PARD3B: variants seen among roughly 807,000 people sequenced by gnomAD.
The protein encoded by PARD3B is partitioning defective 3 homolog B.
In PARD3B, 103 loss-of-function variants were observed where a neutral mutation model predicts 130.2. The ratio of observed to expected loss-of-function variants is 0.79; its 90% CI spans 0.67 to 0.93. The LOEUF (loss-of-function observed/expected upper bound fraction) is 0.93. Among genes scored for constraint, PARD3B ranks in the 40% least tolerant of loss-of-function variants. PARD3B has a pLI of 0.00. For missense variants in PARD3B, 1,609 were observed against 1,499.2 expected (o/e 1.07, Z -1.21); for synonymous variants, 583 against 553.2 (o/e 1.05, Z -0.76).
chr2:205,392,719 A>G (rs1207366130), intron 18 of PARD3B, among the ~76,000 whole-genome samples: 1 of 152,138 alleles, frequency 6.6e-6, no homozygotes, highest in Non-Finnish European at 1.5e-5. Context: ...TTTGCATGCC[A>G]TGGAACGGAT....
rs2040627033 is a variant in PARD3B, at chr2:205,269,257, G to A, written c.2185+23435G>A. Among the ~76,000 whole-genome samples the A allele has an allele frequency of 6.6e-6, 1 of 152,062 alleles. No homozygotes were observed. Among genetic ancestry groups the A allele is most frequent in the Non-Finnish European group, 1.5e-5 (1 of 67,978 alleles). On this transcript the variant is annotated intron_variant, in intron 16 of 22. Coordinates refer to ENST00000406610, the MANE Select transcript of PARD3B (RefSeq NM_001302769.2). This position sits in a 1 kb window ranked among gnomAD's most constrained non-coding sequence, Gnocchi z 4.7. Reference sequence around the variant, plus strand: ...TGTTAAGTTCTCAATGATTAAAGGTGCCTTGAGTATTTTATTCAAAACTTT... The same window carrying A: ...TGTTAAGTTCTCAATGATTAAAGGTACCTTGAGTATTTTATTCAAAACTTT...
At position 204,545,990 on chromosome 2, in the gene PARD3B, G is replaced by A. The variant is rs565128195; in HGVS notation, c.-10G>A. ...TTCGGCCCGGCCCGGCGTGGTCGCCGGGGGCCAGGATGAAAGTGACCGTGT... is the reference window on the plus strand; with the variant it reads ...TTCGGCCCGGCCCGGCGTGGTCGCCAGGGGCCAGGATGAAAGTGACCGTGT... On this transcript the variant is annotated 5_prime_UTR_variant, in exon 1 of 23. Coordinates refer to ENST00000406610, the MANE Select transcript of PARD3B (RefSeq NM_001302769.2). 5.1e-6 allele frequency: 8 copies of A among 1,554,576 alleles called. No individual in the cohort carries two copies. The East Asian group carries it at 1.2e-4, about 24-fold the overall frequency.
intron 18 of PARD3B, among the ~76,000 whole-genome samples, chr2:205,344,194 T>TTGTGTTTGTG (rs148707708): frequency 0.034 from 4,741 of 140,978 alleles, 97 homozygotes; most frequent in Middle Eastern, 0.059. Flanking sequence ...GTCAGTTGGT[T>TTGTGTTTGTG]TGTGTGTGTG....
Position 205,160,409 on chromosome 2 carries a change from G to A in PARD3B, c.1620+1502G>A, listed in dbSNP as rs767106922. ...GCATGTCCCTCTCATGCCTCGAGCT[G>A]TCAGAGGGCCAGCGGCAGTGGGTGA... On this transcript the variant is annotated intron_variant, in intron 11 of 22. Transcript: ENST00000406610. This position sits in a 1 kb window ranked among gnomAD's most constrained non-coding sequence, Gnocchi z 4.0. Among the ~76,000 whole-genome samples, 5 of 152,162 alleles carry A rather than the reference G, an allele frequency of 3.3e-5. No homozygotes were observed. Among genetic ancestry groups the A allele is most frequent in the Non-Finnish European group, 5.9e-5 (4 of 68,036 alleles).
intron 3 of PARD3B, among the ~76,000 whole-genome samples, chr2:205,036,095 C>T (rs1393725985): frequency 1.4e-5 from 2 of 145,842 alleles, no homozygotes; most frequent in Non-Finnish European, 3.0e-5. Context: ...CCAACACCCA[C>T]TGTGCATGTT....
chr2:205,217,622 A>G (rs2037981738), intron 15 of PARD3B, among the ~76,000 whole-genome samples: 1 of 151,972 alleles, frequency 6.6e-6, no homozygotes, highest in South Asian at 2.1e-4. Flanking sequence ...GGAGACACCC[A>G]GAGAGAAAAA....
chr2:204,960,605 G>T (rs1212598372), intron 2 of PARD3B, among the ~76,000 whole-genome samples: 2 of 152,014 alleles, frequency 1.3e-5, no homozygotes, highest in Non-Finnish European at 2.9e-5. Flanking sequence ...GAAAAATCTA[G>T]GTGTCTTTTG....
At chr2:205,613,173 G>A (rs571470188) in intron 22 of PARD3B, among the ~76,000 whole-genome samples, 1 of 152,336 alleles carries the variant, frequency 6.6e-6, no homozygotes, top group Non-Finnish European at 1.5e-5. Context: ...CATGCTAAGA[G>A]AGTCCGGAGG....
chr2:204,747,231 G>C (rs1201027086), intron 2 of PARD3B, among the ~76,000 whole-genome samples: 3 of 152,120 alleles, frequency 2.0e-5, no homozygotes, highest in Non-Finnish European at 4.4e-5. Context: ...TTATTAAATA[G>C]GGAATCCTTT....
At chr2:205,199,459 G>A (rs1464067408) in intron 15 of PARD3B, among the ~76,000 whole-genome samples, 1 of 151,866 alleles carries the variant, frequency 6.6e-6, no homozygotes, top group Non-Finnish European at 1.5e-5. Context: ...TTTACTGTGT[G>A]TGTATATACA....
intron 10 of PARD3B, among the ~76,000 whole-genome samples, chr2:205,140,377 A>ATT (rs1403982274): frequency 1.3e-4 from 19 of 150,784 alleles, no homozygotes; most frequent in Admixed American, 1.0e-3. Flanking sequence ...TAAAAGGTTT[A>ATT]ATTGAAAGTG....
chr2:205,037,333 A>G (rs887244608), intron 3 of PARD3B, among the ~76,000 whole-genome samples: 1 of 90,812 alleles, frequency 1.1e-5, no homozygotes, highest in Non-Finnish European at 2.5e-5. Flanking sequence ...CTATTTGTAT[A>G]AAATATATAT....
intron 4 of PARD3B, among the ~76,000 whole-genome samples, chr2:205,051,518 T>C (rs1177363937): frequency 6.6e-6 from 1 of 152,186 alleles, no homozygotes; most frequent in Non-Finnish European, 1.5e-5. Context: ...GGATGAATAT[T>C]TGACACATTT....
intron 16 of PARD3B, among the ~76,000 whole-genome samples, chr2:205,296,176 A>G (rs1472805065): frequency 6.6e-6 from 1 of 152,196 alleles, no homozygotes; most frequent in African/African-American, 2.4e-5. Context: ...TGCTTTTCTT[A>G]TCCTCAATAT....
intron 2 of PARD3B, among the ~76,000 whole-genome samples, chr2:204,938,260 C>G (rs1688619521): frequency 6.6e-6 from 1 of 152,246 alleles, no homozygotes; most frequent in Non-Finnish European, 1.5e-5. Context: ...CCTCTACCCT[C>G]CTGTGGGCCA....
chr2:204,869,134 G>T (rs1445183317), intron 2 of PARD3B, among the ~76,000 whole-genome samples: 1 of 152,118 alleles, frequency 6.6e-6, no homozygotes, highest in African/African-American at 2.4e-5. Flanking sequence ...GATGTGATTT[G>T]TGAAAGCAAG....
chr2:205,066,467 A>C (rs1700383393), intron 4 of PARD3B, among the ~76,000 whole-genome samples: 1 of 152,212 alleles, frequency 6.6e-6, no homozygotes, highest in African/African-American at 2.4e-5. Context: ...TTGAAAATAC[A>C]ATGTGTTCAT....
intron 16 of PARD3B, among the ~76,000 whole-genome samples, chr2:205,297,950 T>C (rs1440893928): frequency 6.6e-6 from 1 of 152,220 alleles, no homozygotes; most frequent in Non-Finnish European, 1.5e-5. Context: ...TCCTTAATGT[T>C]CAGTTTGCTT....
At chr2:205,184,292 G>C (rs2035969536) in intron 13 of PARD3B, among the ~76,000 whole-genome samples, 1 of 152,108 alleles carries the variant, frequency 6.6e-6, no homozygotes, top group African/African-American at 2.4e-5. Context: ...GTTCTCAAGG[G>C]TAGAGATATT....
Sources: gnomAD v4.1 joint callset for allele counts (sites outside exome capture counted in the v4.1 genomes callset) on GRCh38, gnomAD v4.1.1 for gene constraint, Gnocchi (gnomAD v3.1) non-coding constraint, MANE v1.5 for transcripts, NCBI Gene and HGNC (gene_info 2026-07-23, HGNC 2026-07-21) for gene names.